PARD3: variants seen among roughly 807,000 people sequenced by gnomAD.
PARD3 encodes partitioning defective 3 homolog.
A neutral mutation model predicts 155.4 loss-of-function variants in PARD3; 75 were observed. The observed-to-expected ratio is 0.48, with a 90% confidence interval of 0.40 to 0.58. PARD3 has a LOEUF of 0.58. Ranked by LOEUF, PARD3 falls within the 20% of genes least tolerant of loss-of-function variation. The probability of loss-of-function intolerance (pLI) is 0.00; values close to 1 mark genes in which losing one functional copy is unlikely to be tolerated. For synonymous variants in PARD3, 576 were observed against 610.5 expected, an observed-to-expected ratio of 0.94 and a Z score of 0.83; for missense variants, 1,642 against 1,721.7, an observed-to-expected ratio of 0.95 and a Z score of 0.82.
At chr10:34,701,117 G>A (rs1468314752) in intron 1 of PARD3, among the ~76,000 whole-genome samples, 1 of 152,170 alleles carries the variant, frequency 6.6e-6, no homozygotes, top group African/African-American at 2.4e-5. Flanking sequence ...GTCTTCATGG[G>A]GAGGTTTTAG....
intron 22 of PARD3, among the ~76,000 whole-genome samples, chr10:34,200,638 T>C (rs1588728312): frequency 6.6e-6 from 1 of 152,144 alleles, no homozygotes; most frequent in Non-Finnish European, 1.5e-5. Flanking sequence ...TCAGTGATGG[T>C]CCAGCCACTC....
Position 34,651,011 on chromosome 10 carries a change from C to CAAAAAAAAAAAAAA in PARD3, c.222+45293_222+45306dup, listed in dbSNP as rs60113552. ...GGGCAACAAGAACGAAACTCTGTCT[C>CAAAAAAAAAAAAAA]AAAAAAAAAAAAAAAAAAAAAAAAA... On this transcript the variant is annotated intron_variant, in intron 2 of 24. Coordinates refer to ENST00000374788, the MANE Select transcript of PARD3 (RefSeq NM_001184785.2). Among the ~76,000 whole-genome samples, 8 of 44,544 alleles carry CAAAAAAAAAAAAAA rather than the reference C, an allele frequency of 1.8e-4. 1 individual carries two copies. Among genetic ancestry groups the CAAAAAAAAAAAAAA allele is most frequent in the East Asian group, 1.1e-3 (1 of 940 alleles). 29.2% of individuals were successfully genotyped at this position (44,544 alleles called of 152,430 possible). A position where few individuals can be genotyped will look rare whatever the true frequency, so the allele number is the denominator to read the frequency against.
At chr10:34,460,026 A>G (rs1034929809) in intron 4 of PARD3, among the ~76,000 whole-genome samples, 1 of 152,196 alleles carries the variant, frequency 6.6e-6, no homozygotes, top group Non-Finnish European at 1.5e-5. Context: ...TTCATTTATC[A>G]TAATCTTATC....
chr10:34,238,197 C>G lies in PARD3; in HGVS notation c.3419+31460G>C, dbSNP rs567563352. On this transcript the variant is annotated intron_variant, in intron 22 of 24. Coordinates refer to ENST00000374788, the MANE Select transcript of PARD3 (RefSeq NM_001184785.2). ...CTAATCCAATACAATTCTTTTCACT[C>G]TGCATTTCAGCAGCTGTCTTTCCTG... Among the ~76,000 whole-genome samples, 9 of 152,308 alleles carry G rather than the reference C, an allele frequency of 5.9e-5. No individual in the cohort carries two copies. The East Asian group carries it at 9.6e-4, about 16-fold the overall frequency.
chr10:34,774,313 TA>T (rs1403744511), intron 1 of PARD3, among the ~76,000 whole-genome samples: 4 of 152,254 alleles, frequency 2.6e-5, no homozygotes, highest in Admixed American at 2.6e-4. Flanking sequence ...GCTTGGCTTC[TA>T]AAATCAAGGC....
At chr10:34,407,467 G>A (rs1278906968) in intron 5 of PARD3, among the ~76,000 whole-genome samples, 1 of 152,206 alleles carries the variant, frequency 6.6e-6, no homozygotes, top group Admixed American at 6.5e-5. Context: ...TGGCTGAAAA[G>A]CCTCATGCCC....
intron 1 of PARD3, among the ~76,000 whole-genome samples, chr10:34,797,663 G>A (rs1405827617): frequency 5.3e-5 from 8 of 152,062 alleles, no homozygotes; most frequent in Non-Finnish European, 1.2e-4. Flanking sequence ...ATAGTTGACC[G>A]GTTTCTATAT....
At chr10:34,805,950 C>G (rs1160343935) in intron 1 of PARD3, among the ~76,000 whole-genome samples, 5 of 151,570 alleles carry the variant, frequency 3.3e-5, no homozygotes, top group African/African-American at 4.8e-5. Flanking sequence ...GCACTCCAGC[C>G]TGGGCGACAG....
At chr10:34,317,878 T>C (rs1958107336) in intron 19 of PARD3, among the ~76,000 whole-genome samples, 2 of 152,236 alleles carry the variant, frequency 1.3e-5, no homozygotes, top group Admixed American at 6.5e-5. Flanking sequence ...GAGCAGATTA[T>C]TTTGGCTTAT....
At chr10:34,529,142 A>G (rs2082667618) in intron 2 of PARD3, among the ~76,000 whole-genome samples, 1 of 152,136 alleles carries the variant, frequency 6.6e-6, no homozygotes, top group Admixed American at 6.5e-5. Flanking sequence ...TGGTACAAAA[A>G]AGAGTTCGAG....
chr10:34,540,509 C>T (rs914650570), intron 2 of PARD3, among the ~76,000 whole-genome samples: 9 of 152,122 alleles, frequency 5.9e-5, no homozygotes, highest in Non-Finnish European at 8.8e-5. Flanking sequence ...AATCCCAGGA[C>T]TTAGGGAGGC....
intron 12 of PARD3, among the ~76,000 whole-genome samples, chr10:34,366,365 C>T (rs1203778002): frequency 1.3e-5 from 2 of 152,146 alleles, no homozygotes; most frequent in African/African-American, 2.4e-5. Context: ...TGGGTTACAG[C>T]GTTGTAGGTT....
At chr10:34,651,348 A>T (rs1245585975) in intron 2 of PARD3, among the ~76,000 whole-genome samples, 1 of 152,192 alleles carries the variant, frequency 6.6e-6, no homozygotes, top group Non-Finnish European at 1.5e-5. Flanking sequence ...ACTCCCCACT[A>T]AAGGGCATGT....
intron 2 of PARD3, among the ~76,000 whole-genome samples, chr10:34,610,445 C>T (rs1042293596): frequency 1.3e-5 from 2 of 152,140 alleles, no homozygotes; most frequent in Admixed American, 6.5e-5. Context: ...ACAGAATACT[C>T]TAATATTAAA....
At chr10:34,414,540 G>A (rs1845461224) in intron 5 of PARD3, among the ~76,000 whole-genome samples, 1 of 151,962 alleles carries the variant, frequency 6.6e-6, no homozygotes, top group Admixed American at 6.6e-5. Flanking sequence ...CAATCTGGCT[G>A]GGCGTGGGCT....
chr10:34,808,204 C>T (rs1438833420), intron 1 of PARD3, among the ~76,000 whole-genome samples: 1 of 151,958 alleles, frequency 6.6e-6, no homozygotes, highest in Non-Finnish European at 1.5e-5. Context: ...GTCCCAGCTA[C>T]TTGGGGGACT....
At chr10:34,385,154 A>G (rs568242784) in intron 7 of PARD3, among the ~76,000 whole-genome samples, 78 of 152,164 alleles carry the variant, frequency 5.1e-4, no homozygotes, top group Non-Finnish European at 9.4e-4. Flanking sequence ...CTTTTTTGAG[A>G]TGGAGTTTCG....
rs142044930 is a variant in PARD3 at position 34,772,864 on chromosome 10, G to A, written c.120+42012C>T. 3.4e-3 allele frequency among the ~76,000 whole-genome samples: 508 copies of A among 148,682 alleles called. 3 individuals carry two copies. The highest frequency in any genetic ancestry group is 0.012 in the African/African-American group (482 of 40,340). ...CTTGTATTCTCAACGGAGCAAGAAA[G>A]CCTGTAATAAATACCTTTGCAAATA... On this transcript the variant is annotated intron_variant, in intron 1 of 24. Transcript: ENST00000374788.
At chr10:34,433,288 C>T (rs1450701725) in intron 5 of PARD3, among the ~76,000 whole-genome samples, 3 of 152,266 alleles carry the variant, frequency 2.0e-5, no homozygotes, top group East Asian at 1.9e-4. Flanking sequence ...ACAGAAAATA[C>T]ACCAAGTCAC....
Sources: gnomAD v4.1 joint callset for allele counts (sites outside exome capture counted in the v4.1 genomes callset) on GRCh38, gnomAD v4.1.1 for gene constraint, MANE v1.5 for transcripts, NCBI Gene and HGNC (gene_info 2026-07-23, HGNC 2026-07-21) for gene names.